DYSF: variants seen among roughly 807,000 people sequenced by gnomAD.
DYSF encodes dystrophy-associated fer-1-like 1.
A neutral mutation model predicts 274.9 loss-of-function variants in DYSF; 212 were observed. The ratio of observed to expected loss-of-function variants is 0.77; its 90% CI spans 0.69 to 0.86. The LOEUF (loss-of-function observed/expected upper bound fraction) is 0.86, where lower values mean the gene tolerates loss of function less well. Among genes scored for constraint, DYSF ranks in the 40% least tolerant of loss-of-function variants. The pLI, the probability that DYSF is intolerant of heterozygous loss-of-function variation, is 0.00. For synonymous variants in DYSF, 1,091 were observed against 1,078.7 expected, an observed-to-expected ratio of 1.01 and a Z score of -0.22; for missense variants, 2,666 against 2,783.2, an observed-to-expected ratio of 0.96 and a Z score of 0.95.
chr2:71,613,505 A>G (rs951926507), intron 40 of DYSF, 95 bp downstream of exon 40: 56 of 1,085,074 alleles, frequency 5.2e-5, no homozygotes, highest in Middle Eastern at 1.9e-4. Flanking sequence ...ATTATCACAC[A>G]GCCTCTATAC....
At chr2:71,522,019 C>T (rs112323526) in intron 12 of DYSF, among the ~76,000 whole-genome samples, 73 of 152,046 alleles carry the variant, frequency 4.8e-4, no homozygotes, top group African/African-American at 1.7e-3. Context: ...CCGCCCCTCC[C>T]GCTGCATTAT....
At chr2:71,667,782 C>G (rs1040218278) in intron 48 of DYSF, among the ~76,000 whole-genome samples, 2 of 152,166 alleles carry the variant, frequency 1.3e-5, no homozygotes, top group African/African-American at 4.8e-5. Context: ...GGCCTCCGAC[C>G]TCTCCTTGTC....
At chr2:71,578,907 C>T (rs911176005) in intron 30 of DYSF, among the ~76,000 whole-genome samples, 22 of 152,220 alleles carry the variant, frequency 1.4e-4, no homozygotes, top group East Asian at 1.9e-4. Context: ...GCCCTGGCTC[C>T]GTCTGCTAAT....
chr2:71,459,231 G>C (rs1334496996), intron 1 of DYSF, among the ~76,000 whole-genome samples: 4 of 152,316 alleles, frequency 2.6e-5, no homozygotes, highest in African/African-American at 7.2e-5. Context: ...GAGAGGCAAG[G>C]TTTGTTTGCC....
chr2:71,655,252 A>G (rs191523090), intron 42 of DYSF, among the ~76,000 whole-genome samples: 126 of 152,276 alleles, frequency 8.3e-4, no homozygotes, highest in Non-Finnish European at 1.6e-3. Flanking sequence ...TTAAGACAAT[A>G]TTAATTTTTA....
chr2:71,571,711 G>GCA (rs2092471526), intron 29 of DYSF, among the ~76,000 whole-genome samples: 3 of 102,472 alleles, frequency 2.9e-5, no homozygotes, highest in South Asian at 6.7e-4. Context: ...ATCACAGTCA[G>GCA]CACACACAGA....
intron 36 of DYSF, among the ~76,000 whole-genome samples, chr2:71,610,006 C>T (rs1014876847): frequency 1.4e-4 from 21 of 152,160 alleles, no homozygotes; most frequent in African/African-American, 3.1e-4. Context: ...TTAACATTTC[C>T]GGAGTGTCAG....
intron 12 of DYSF, 93 bp downstream of exon 12, chr2:71,520,997 T>C (rs2152742437): frequency 3.7e-6 from 4 of 1,074,132 alleles, no homozygotes; most frequent in Non-Finnish European, 4.2e-6. Context: ...TATTTTTTTT[T>C]CTGATTTAAA....
intron 42 of DYSF, 150 bp downstream of exon 42, chr2:71,644,213 G>A: frequency 1.3e-6 from 1 of 776,802 alleles, no homozygotes. Context: ...GACCAGCTGG[G>A]TGAGAAAGCC....
At chr2:71,680,750 C>G (rs964427788) in intron 53 of DYSF, among the ~76,000 whole-genome samples, 1 of 152,214 alleles carries the variant, frequency 6.6e-6, no homozygotes, top group Non-Finnish European at 1.5e-5. Flanking sequence ...AGAAAATCAG[C>G]TATGATGCAT....
At chr2:71,527,854 TA>T (rs1006459314) in intron 13 of DYSF, among the ~76,000 whole-genome samples, 29 of 148,828 alleles carry the variant, frequency 1.9e-4, no homozygotes, top group East Asian at 3.9e-4. Flanking sequence ...TAAAAACTCT[TA>T]AAAAAAAAAC....
chr2:71,531,980 A>G (rs1320149575), intron 14 of DYSF, among the ~76,000 whole-genome samples: 1 of 152,224 alleles, frequency 6.6e-6, no homozygotes, highest in Non-Finnish European at 1.5e-5. Context: ...TGAGGTAATG[A>G]GTCAGCATTC....
intron 36 of DYSF, among the ~76,000 whole-genome samples, chr2:71,603,408 G>A (rs72829407): frequency 0.051 from 7,782 of 152,262 alleles, 261 homozygotes; most frequent in Middle Eastern, 0.1. Flanking sequence ...GTGGATTGTC[G>A]TGAGCCAGGC....
At chr2:71,644,136 A>G (rs1478981799) in intron 42 of DYSF, 73 bp downstream of exon 42, 3 of 1,222,164 alleles carry the variant, frequency 2.5e-6, no homozygotes, top group East Asian at 2.5e-5. Flanking sequence ...ACAGAAAGAG[A>G]GCTCATGCAG....
chr2:71,453,940 C>T (rs2152620571), exon 1 of DYSF: 1 of 1,580,244 alleles, frequency 6.3e-7, no homozygotes, highest in South Asian at 1.1e-5. Context: ...CCTCGGCCCT[C>T]CCGACCTTTC....
chr2:71,610,462 C>G (rs371326765), intron 36 of DYSF, among the ~76,000 whole-genome samples: 7 of 152,366 alleles, frequency 4.6e-5, no homozygotes, highest in African/African-American at 1.7e-4. Flanking sequence ...TGGTGGTTAA[C>G]TATCTAAGGC....
intron 3 of DYSF, among the ~76,000 whole-genome samples, chr2:71,486,375 T>G (rs1303391378): frequency 6.6e-6 from 1 of 152,004 alleles, no homozygotes; most frequent in African/African-American, 2.4e-5. Flanking sequence ...ACTCTGTCTC[T>G]GTGTCTCCTG....
At chr2:71,577,208 A>T (rs1040323532) in intron 30 of DYSF, 2 of 153,462 alleles carry the variant, frequency 1.3e-5, no homozygotes, top group African/African-American at 4.8e-5. Context: ...ACACACACTC[A>T]CACACTGTCT....
intron 41 of DYSF, among the ~76,000 whole-genome samples, chr2:71,632,217 C>T (rs2152910442): frequency 6.6e-6 from 1 of 152,348 alleles, no homozygotes; most frequent in East Asian, 1.9e-4. Flanking sequence ...GCGCTAGCTG[C>T]TGAGCACAAG....
Sources: allele counts gnomAD v4.1 joint callset (sites outside exome capture counted in the v4.1 genomes callset), GRCh38; gene constraint gnomAD v4.1.1; transcripts MANE v1.5; gene names NCBI Gene and HGNC (gene_info 2026-07-23, HGNC 2026-07-21).